The following RNF220 variants were observed in gnomAD, a reference collection of about 807,000 sequenced individuals.
RNF220 encodes ring finger protein 220.
A neutral mutation model predicts 67.1 loss-of-function variants in RNF220; 7 were observed. The ratio of observed to expected loss-of-function variants is 0.10; its 90% confidence interval spans 0.06 to 0.20. The LOEUF (loss-of-function observed/expected upper bound fraction) is 0.20, where lower values mean the gene tolerates loss of function less well. Ranked by LOEUF, RNF220 falls within the 10% of genes least tolerant of loss-of-function variation. The probability of loss-of-function intolerance (pLI) is 1.00; values close to 1 mark genes in which losing one functional copy is unlikely to be tolerated. For missense variants in RNF220, 565 were observed against 740.3 expected, an observed-to-expected ratio of 0.76 and a Z score of 2.75; for synonymous variants, 270 against 283.2, an observed-to-expected ratio of 0.95 and a Z score of 0.47.
At chr1:44,559,022 G>A (rs1663344612) in intron 2 of RNF220, among the ~76,000 whole-genome samples, 1 of 152,244 alleles carries the variant, frequency 6.6e-6, no homozygotes, top group East Asian at 1.9e-4. Context: ...GCAACTCCGT[G>A]AGGGCAGAGA....
chr1:44,429,008 CTT>C (rs954490550), intron 2 of RNF220, among the ~76,000 whole-genome samples: 11 of 151,988 alleles, frequency 7.2e-5, no homozygotes, highest in Non-Finnish European at 1.3e-4. Context: ...GTAAAGAACT[CTT>C]CTTAGAGGAC....
chr1:44,631,937 C>A lies in RNF220; in HGVS notation c.907-406C>A. The stretch of plus-strand genomic sequence containing the variant: ...CCCGCCGCATTGTGAACTTTCACCC[C>A]CAGCGCGCGACGGCGGCAGATCACG... On this transcript the variant is annotated intron_variant, in intron 5 of 14. Coordinates refer to ENST00000361799, the MANE Select transcript of RNF220 (RefSeq NM_018150.4). 8 of 989,100 alleles carry A rather than the reference C, an allele frequency of 8.1e-6. No homozygotes were observed. In the South Asian group the frequency reaches 1.4e-4, roughly 17 times the overall value. The allele number at this position is 989,100 out of a possible 1,614,324, so 61.3% of individuals were successfully genotyped here. A position where few individuals can be genotyped will look rare whatever the true frequency, so the allele number is the denominator to read the frequency against.
chr1:44,531,498 C>T (rs1660828236), intron 2 of RNF220, among the ~76,000 whole-genome samples: 1 of 152,198 alleles, frequency 6.6e-6, no homozygotes, highest in Admixed American at 6.5e-5. Context: ...CAGTTAACCC[C>T]ATTAGACTGT....
At chr1:44,570,673 G>A (rs768413659) in intron 2 of RNF220, among the ~76,000 whole-genome samples, 5 of 152,104 alleles carry the variant, frequency 3.3e-5, no homozygotes, top group South Asian at 2.1e-4. Flanking sequence ...CGCTCATGTC[G>A]CGATGCAGGT....
intron 2 of RNF220, among the ~76,000 whole-genome samples, chr1:44,595,567 T>C (rs1666421349): frequency 6.6e-6 from 1 of 152,088 alleles, no homozygotes; most frequent in South Asian, 2.1e-4. Flanking sequence ...CTCAGGGACA[T>C]GATGCTCAGA....
At chr1:44,602,162 T>A (rs1054235432) in intron 2 of RNF220, among the ~76,000 whole-genome samples, 9 of 151,588 alleles carry the variant, frequency 5.9e-5, no homozygotes, top group African/African-American at 1.9e-4. Context: ...GGAAAAAAAA[T>A]AATAGGAGCT....
At chr1:44,456,811 C>T (rs1653230912) in intron 2 of RNF220, among the ~76,000 whole-genome samples, 1 of 151,992 alleles carries the variant, frequency 6.6e-6, no homozygotes, top group Admixed American at 6.6e-5. Context: ...CAGGGTCTAG[C>T]CCTCTCCCTC....
At chr1:44,546,121 A>G (rs1048962479) in intron 2 of RNF220, among the ~76,000 whole-genome samples, 5 of 152,146 alleles carry the variant, frequency 3.3e-5, no homozygotes, top group African/African-American at 1.2e-4. Context: ...GACAAAGACA[A>G]TAAGCACCCG....
At chr1:44,618,376 T>A (rs879523720) in intron 3 of RNF220, among the ~76,000 whole-genome samples, 2 of 152,152 alleles carry the variant, frequency 1.3e-5, no homozygotes, top group African/African-American at 4.8e-5. Context: ...TTCCCACAGG[T>A]ACATGGGTGC....
intron 5 of RNF220, among the ~76,000 whole-genome samples, chr1:44,628,153 A>G (rs957494082): frequency 3.9e-5 from 6 of 152,242 alleles, no homozygotes; most frequent in African/African-American, 1.4e-4. Flanking sequence ...GCTTTGTTCC[A>G]GAGCATTCTG....
chr1:44,631,856 T>G, intron 5 of RNF220: 21 of 972,050 alleles, frequency 2.2e-5, no homozygotes, highest in Non-Finnish European at 2.6e-5. Context: ...CGGGGAGGCT[T>G]CTGCCGGTTG....
chr1:44,515,692 T>C (rs770164359), intron 2 of RNF220, among the ~76,000 whole-genome samples: 3 of 152,162 alleles, frequency 2.0e-5, no homozygotes, highest in Non-Finnish European at 2.9e-5. Flanking sequence ...ATTCCATCCA[T>C]GAAAATCACA....
Position 44,597,679 on chromosome 1 carries a change from C to T in RNF220, c.626-16486C>T, listed in dbSNP as rs186065690. On this transcript the variant is annotated intron_variant, in intron 2 of 14. Transcript: ENST00000361799. Reference sequence around the variant, plus strand: ...CTCACGAATGTCTCCCAGATGGCTCCGGCACACACGCACCTCTCTGTCTCA... The same window carrying T: ...CTCACGAATGTCTCCCAGATGGCTCTGGCACACACGCACCTCTCTGTCTCA... Among the ~76,000 whole-genome samples the T allele has an allele frequency of 6.6e-5, 10 of 152,122 alleles. No individual in the cohort carries two copies. The East Asian group carries it at 1.5e-3, about 24-fold the overall frequency.
chr1:44,483,095 T>A (rs2148028149), intron 2 of RNF220, among the ~76,000 whole-genome samples: 1 of 152,164 alleles, frequency 6.6e-6, no homozygotes, highest in East Asian at 1.9e-4. Flanking sequence ...CGCGCCTGGC[T>A]ACTTTTTCTA....
At chr1:44,546,926 AC>A (rs1349292684) in intron 2 of RNF220, among the ~76,000 whole-genome samples, 1 of 152,114 alleles carries the variant, frequency 6.6e-6, no homozygotes, top group Non-Finnish European at 1.5e-5. Context: ...CCAGAGTCAT[AC>A]CCCTCAAGGC....
chr1:44,462,184 C>T (rs370869510), intron 2 of RNF220, among the ~76,000 whole-genome samples: 1 of 151,954 alleles, frequency 6.6e-6, no homozygotes, highest in Non-Finnish European at 1.5e-5. Context: ...CCGCCCGCCT[C>T]GGCCTCCCAA....
At chr1:44,432,981 G>A (rs1198848152) in intron 2 of RNF220, among the ~76,000 whole-genome samples, 1 of 150,440 alleles carries the variant, frequency 6.6e-6, no homozygotes, top group Non-Finnish European at 1.5e-5. Context: ...GTACCCAGGA[G>A]TGCAGTGATG....
At position 44,510,234 on chromosome 1, in the gene RNF220, GA is replaced by G. The variant is rs1180418492; in HGVS notation, c.625+97524del. Among the ~76,000 whole-genome samples the G allele has an allele frequency of 8.3e-4, 85 of 101,854 alleles. 1 individual carries two copies. Among genetic ancestry groups the G allele is most frequent in the South Asian group, 1.7e-3 (5 of 2,972 alleles). 66.8% of individuals were successfully genotyped at this position (101,854 alleles called of 152,430 possible). A position where few individuals can be genotyped will look rare whatever the true frequency, so the allele number is the denominator to read the frequency against. On this transcript the variant is annotated intron_variant, in intron 2 of 14. Transcript: ENST00000361799. ...AGCCTGGGTGACAGAGTGAGACCCT[GA>G]AAAAAAAAAAAGGAAAGAGAGAGAG...
At position 44,576,791 on chromosome 1, in the gene RNF220, G is replaced by A. The variant is rs765604501; in HGVS notation, c.626-37374G>A. ...TCGTCTCTGACTTGTTATTTCAGCC[G>A]GACAATTGCTGTGCTGACTGTGGGT... On this transcript the variant is annotated intron_variant, in intron 2 of 14. Coordinates refer to ENST00000361799, the MANE Select transcript of RNF220 (RefSeq NM_018150.4). Among the ~76,000 whole-genome samples, 5 of 152,150 alleles carry A rather than the reference G, an allele frequency of 3.3e-5. No homozygotes were observed. In the East Asian group the frequency reaches 7.7e-4, roughly 23 times the overall value.
Sources: allele counts gnomAD v4.1 joint callset (sites outside exome capture counted in the v4.1 genomes callset), GRCh38; gene constraint gnomAD v4.1.1; transcripts MANE v1.5; gene names NCBI Gene and HGNC (gene_info 2026-07-23, HGNC 2026-07-21).